SDK1: variants seen among roughly 807,000 people sequenced by gnomAD.
The protein encoded by SDK1 is protein sidekick-1.
A neutral mutation model predicts 245.5 loss-of-function variants in SDK1; 157 were observed. The ratio of observed to expected loss-of-function variants is 0.64; its 90% CI spans 0.56 to 0.73. SDK1 has a LOEUF of 0.73. SDK1 is among the 30% of genes least tolerant of loss of function. The pLI, the probability that SDK1 is intolerant of heterozygous loss-of-function variation, is 0.00. For synonymous variants in SDK1, 1,647 were observed against 1,278.5 expected, an observed-to-expected ratio of 1.29 and a Z score of -6.15; for missense variants, 3,583 against 3,002.3, an observed-to-expected ratio of 1.19 and a Z score of -4.52.
intron 5 of SDK1, among the ~76,000 whole-genome samples, chr7:3,938,377 T>G (rs1445510998): frequency 2.0e-5 from 3 of 151,986 alleles, no homozygotes; most frequent in African/African-American, 7.3e-5. Flanking sequence ...GCACGGTGGC[T>G]CATGCCTGTA....
At chr7:3,788,634 AAT>A (rs1780984713) in intron 4 of SDK1, among the ~76,000 whole-genome samples, 1 of 152,164 alleles carries the variant, frequency 6.6e-6, no homozygotes, top group Admixed American at 6.5e-5. Flanking sequence ...CCCCACATAA[AAT>A]ATACTAACAC....
At position 4,206,014 on chromosome 7, in the gene SDK1, TTGCCTCCCC is replaced by T; in HGVS notation, c.5214+23_5214+31del. 1.4e-6 allele frequency: 2 copies of T among 1,479,366 alleles called. No homozygotes were observed. Among genetic ancestry groups the T allele is most frequent in the Non-Finnish European group, 1.8e-6 (2 of 1,097,688 alleles). The allele number at this position is 1,479,366 out of a possible 1,614,324, so 91.6% of individuals were successfully genotyped here. On this transcript the variant is annotated intron_variant, in intron 36 of 44. Transcript: ENST00000404826. ...TACAAGGCAAGGCCCTCCCGTGCGG[TTGCCTCCCC>T]TGGCTCGCTTGGGCACCCCTCGTTC... is the stretch of plus-strand genomic sequence containing the variant.
Position 4,022,996 on chromosome 7 carries a change from G to T in SDK1, c.2602+5644G>T, listed in dbSNP as rs571947464. The stretch of plus-strand genomic sequence containing the variant: ...TCGCCGTGTTACCCAGGATGGTCTC[G>T]ATCTCCTGACCTCGTGATCCGCCTG... On this transcript the variant is annotated intron_variant, in intron 17 of 44. Coordinates refer to ENST00000404826, the MANE Select transcript of SDK1 (RefSeq NM_152744.4). 7.9e-5 allele frequency among the ~76,000 whole-genome samples: 12 copies of T among 151,962 alleles called. No homozygotes were observed. In the South Asian group the frequency reaches 2.5e-3, roughly 32 times the overall value.
At chr7:3,813,245 A>G (rs1405001274) in intron 4 of SDK1, among the ~76,000 whole-genome samples, 33 of 135,972 alleles carry the variant, frequency 2.4e-4, no homozygotes, top group African/African-American at 4.1e-4. Flanking sequence ...ATATCTCCCA[A>G]TGCTATCCCT....
intron 1 of SDK1, among the ~76,000 whole-genome samples, chr7:3,555,028 A>G (rs887046498): frequency 6.6e-6 from 1 of 152,238 alleles, no homozygotes; most frequent in African/African-American, 2.4e-5. Context: ...CTATAGATTC[A>G]ATGCAATCCC....
At chr7:3,335,613 G>T (rs1268416401) in intron 1 of SDK1, among the ~76,000 whole-genome samples, 2 of 152,126 alleles carry the variant, frequency 1.3e-5, no homozygotes, top group East Asian at 1.9e-4. Flanking sequence ...GAGGGTCTTT[G>T]TGGAGAAAGT....
chr7:4,250,251 C>T (rs929060105), intron 44 of SDK1, among the ~76,000 whole-genome samples: 4 of 152,158 alleles, frequency 2.6e-5, no homozygotes, highest in African/African-American at 4.8e-5. Flanking sequence ...AGTTCTCTTT[C>T]ACATTGTTTG....
At chr7:4,219,960 T>G in intron 38 of SDK1, 149 bp from the exon 39 acceptor site, 7 of 867,520 alleles carry the variant, frequency 8.1e-6, no homozygotes, top group Non-Finnish European at 1.2e-5. Flanking sequence ...GAAAATTGGC[T>G]ATTACCACCA....
At chr7:3,473,769 A>G (rs1361077702) in intron 1 of SDK1, among the ~76,000 whole-genome samples, 1 of 152,046 alleles carries the variant, frequency 6.6e-6, no homozygotes, top group African/African-American at 2.4e-5. Flanking sequence ...CAGTAGGTTA[A>G]TATGTGTAAT....
At chr7:3,978,110 A>C (rs891745351) in intron 13 of SDK1, among the ~76,000 whole-genome samples, 2 of 151,598 alleles carry the variant, frequency 1.3e-5, no homozygotes, top group African/African-American at 4.9e-5. Flanking sequence ...TCATTTTGAT[A>C]ATATAGGAGG....
intron 4 of SDK1, among the ~76,000 whole-genome samples, chr7:3,791,350 T>C (rs1459682643): frequency 6.6e-6 from 1 of 152,130 alleles, no homozygotes; most frequent in Non-Finnish European, 1.5e-5. Flanking sequence ...ATTATTTAGG[T>C]ATCGGGGCTC....
intron 1 of SDK1, among the ~76,000 whole-genome samples, chr7:3,597,270 TCAAAA>T (rs1781097743): frequency 1.4e-5 from 1 of 70,570 alleles, no homozygotes. Flanking sequence ...AGACTTGGTC[TCAAAA>T]AAAAAAAAAA....
rs1290132347 is a variant in SDK1, at chr7:4,265,208, T to G, written c.6466T>G (p.Trp2156Gly). Residue 2156 changes from tryptophan to glycine, a missense_variant, in exon 45 of 45, where the codon TGG becomes GGG. Transcript: ENST00000404826. ...GAGCGACCCCACCTACTACAACTCA[T>G]GGAAGCGCAGGGCCCAGGGCCGCGC... ...YMSDPTYYNS[W>G]KRRAQGRAPA... The G allele has an allele frequency of 6.2e-7, 1 of 1,611,192 alleles. No individual in the cohort carries two copies.
intron 28 of SDK1, among the ~76,000 whole-genome samples, chr7:4,139,634 T>G (rs1486578405): frequency 1.8e-5 from 1 of 55,034 alleles, no homozygotes; most frequent in African/African-American, 6.2e-5. Context: ...TGTATATGTA[T>G]ATATGTGTGT....
Position 4,027,184 on chromosome 7 carries a change from C to T in SDK1, c.2602+9832C>T, listed in dbSNP as rs188455227. 1.2e-4 allele frequency among the ~76,000 whole-genome samples: 19 copies of T among 152,256 alleles called. No individual in the cohort carries two copies. In the East Asian group the frequency reaches 2.5e-3, roughly 20 times the overall value. On this transcript the variant is annotated intron_variant, in intron 17 of 44. Coordinates refer to ENST00000404826, the MANE Select transcript of SDK1 (RefSeq NM_152744.4). ...CCCTGAATGGTCCAGTGAAGGCTGC[C>T]GAGCACCCAGGAGAACTGATACTGC... is the stretch of plus-strand genomic sequence containing the variant.
rs529396568 is a variant in SDK1, at chr7:3,638,551, G to T, written c.459-453G>T. On this transcript the variant is annotated intron_variant, in intron 2 of 44. Coordinates refer to ENST00000404826, the MANE Select transcript of SDK1 (RefSeq NM_152744.4). ...ACACAAGGACAAAAAACCAAACACC[G>T]CATGTTCTCACTCATAGGTGGGAAT... Among the ~76,000 whole-genome samples the T allele has an allele frequency of 3.6e-4, 53 of 146,770 alleles. 1 individual carries two copies. Among genetic ancestry groups the T allele is most frequent in the African/African-American group, 1.2e-3 (46 of 39,824 alleles).
intron 5 of SDK1, among the ~76,000 whole-genome samples, chr7:3,891,004 A>C (rs762263235): frequency 6.6e-5 from 10 of 152,222 alleles, no homozygotes; most frequent in African/African-American, 1.2e-4. Context: ...AGGCCAGCCT[A>C]ACCTTAGCTG....
intron 4 of SDK1, among the ~76,000 whole-genome samples, chr7:3,790,738 A>G (rs1253896691): frequency 6.6e-6 from 1 of 152,126 alleles, no homozygotes; most frequent in East Asian, 1.9e-4. Flanking sequence ...CCCGGGAGGC[A>G]GAGGTTACAG....
At chr7:3,601,650 T>C (rs976101605) in intron 1 of SDK1, among the ~76,000 whole-genome samples, 1 of 151,740 alleles carries the variant, frequency 6.6e-6, no homozygotes, top group Non-Finnish European at 1.5e-5. Flanking sequence ...AGATCCAGCT[T>C]TCTTATCAAT....
Sources: gnomAD v4.1 joint callset for allele counts (sites outside exome capture counted in the v4.1 genomes callset) on GRCh38, gnomAD v4.1.1 for gene constraint, MANE v1.5 for transcripts, NCBI Gene and HGNC (gene_info 2026-07-23, HGNC 2026-07-21) for gene names.